SH3KBP1: variants seen among roughly 807,000 people sequenced by gnomAD.
SH3KBP1 encodes SH3 domain containing kinase binding protein 1.
A neutral mutation model predicts 50.1 loss-of-function variants in SH3KBP1; 8 were observed. That is an observed-to-expected ratio of 0.16 (90% CI 0.09 to 0.29). The LOEUF (loss-of-function observed/expected upper bound fraction) is 0.29, where lower values mean the gene tolerates loss of function less well. Among genes scored for constraint, SH3KBP1 ranks in the 10% least tolerant of loss-of-function variants. The pLI is 1.00. For missense variants in SH3KBP1, 377 were observed against 535.2 expected (o/e 0.70, Z 2.92); for synonymous variants, 227 against 218.6 (o/e 1.04, Z -0.34).
intron 6 of SH3KBP1, among the ~76,000 whole-genome samples, chrX:19,669,245 CA>C (rs1163133152): frequency 1.9e-5 from 2 of 104,679 alleles, no homozygotes; most frequent in Non-Finnish European, 3.9e-5. Context: ...GGATTACAAG[CA>C]TTAGCCACTG....
chrX:19,538,806 C>T (rs1432619986), intron 16 of SH3KBP1, among the ~76,000 whole-genome samples: 1 of 110,673 alleles, frequency 9.0e-6, no homozygotes, highest in Admixed American at 9.6e-5. Context: ...AGGCTGGTCC[C>T]GAACCCCTCA....
At chrX:19,603,866 T>C (rs1383270258) in intron 9 of SH3KBP1, among the ~76,000 whole-genome samples, 1 of 111,304 alleles carries the variant, frequency 9.0e-6, no homozygotes, top group Non-Finnish European at 1.9e-5. Flanking sequence ...TTTTCTTATT[T>C]TTGTAGAGAT....
chrX:19,693,993 C>T (rs1277868353), intron 5 of SH3KBP1, among the ~76,000 whole-genome samples: 2 of 112,177 alleles, frequency 1.8e-5, no homozygotes, highest in South Asian at 3.7e-4. Flanking sequence ...AACATGCTAT[C>T]GCTCAGTATG....
intron 2 of SH3KBP1, among the ~76,000 whole-genome samples, chrX:19,762,146 C>A (rs996161468): frequency 8.9e-6 from 1 of 112,730 alleles, no homozygotes; most frequent in Non-Finnish European, 1.9e-5. Flanking sequence ...TTAAGCTGTC[C>A]CTGTTCGTTC....
intron 1 of SH3KBP1, among the ~76,000 whole-genome samples, chrX:19,845,615 AT>A (rs914496910): frequency 4.7e-5 from 5 of 106,218 alleles, no homozygotes; most frequent in South Asian, 4.3e-4. Flanking sequence ...TTAGAAAACC[AT>A]TTTTTTTTTC....
chrX:19,655,646 T>C (rs941548547), intron 6 of SH3KBP1, among the ~76,000 whole-genome samples: 3 of 109,825 alleles, frequency 2.7e-5, no homozygotes, highest in Non-Finnish European at 5.7e-5. Context: ...ATGGAAACAA[T>C]AGACACTTGG....
At chrX:19,618,385 C>CAAAAAAAAAAAA (rs1169013925) in intron 8 of SH3KBP1, among the ~76,000 whole-genome samples, 1 of 18,217 alleles carries the variant, frequency 5.5e-5, no homozygotes, top group Non-Finnish European at 1.2e-4. Context: ...GACTCTGTCT[C>CAAAAAAAAAAAA]AAAAAAAAAA....
At chrX:19,539,416 T>C (rs2064816826) in intron 16 of SH3KBP1, among the ~76,000 whole-genome samples, 1 of 111,938 alleles carries the variant, frequency 8.9e-6, no homozygotes, top group African/African-American at 3.2e-5. Flanking sequence ...CATTACTGTA[T>C]TTATTTAAGC....
At chrX:19,537,804 T>G in intron 16 of SH3KBP1, 24 bp from the exon 17 acceptor site, 1 of 1,154,854 alleles carries the variant, frequency 8.7e-7, no homozygotes, top group Non-Finnish European at 1.2e-6. Context: ...GGCAATGAAA[T>G]TAACCAAAAT....
At chrX:19,607,808 G>A (rs556829661) in intron 9 of SH3KBP1, 130 bp downstream of exon 9, 12 of 534,484 alleles carry the variant, frequency 2.2e-5, no homozygotes, top group South Asian at 8.0e-5. Context: ...TATGGCAGCC[G>A]AGGGCTCAGA....
At chrX:19,754,670 T>G (rs2065157010) in intron 2 of SH3KBP1, among the ~76,000 whole-genome samples, 1 of 111,447 alleles carries the variant, frequency 9.0e-6, no homozygotes, top group Non-Finnish European at 1.9e-5. Context: ...AGTTTCACCA[T>G]GTTGACCAGG....
At chrX:19,880,356 T>C (rs1231023787) in intron 1 of SH3KBP1, among the ~76,000 whole-genome samples, 1 of 112,330 alleles carries the variant, frequency 8.9e-6, no homozygotes, top group East Asian at 2.8e-4. Context: ...TACATGTTCA[T>C]TCATTAACAT....
chrX:19,750,545 C>T (rs762293531), intron 2 of SH3KBP1, among the ~76,000 whole-genome samples: 8 of 112,215 alleles, frequency 7.1e-5, no homozygotes, highest in Non-Finnish European at 1.1e-4. Flanking sequence ...TCAAATTGAA[C>T]AGCAAACCAC....
intron 3 of SH3KBP1, among the ~76,000 whole-genome samples, chrX:19,734,530 T>C (rs1384763479): frequency 8.9e-6 from 1 of 111,937 alleles, no homozygotes; most frequent in Non-Finnish European, 1.9e-5. Context: ...ATAGCTTTAT[T>C]GAGATATAAT....
chrX:19,678,708 G>A (rs972967981), intron 6 of SH3KBP1, among the ~76,000 whole-genome samples: 5 of 111,154 alleles, frequency 4.5e-5, no homozygotes, highest in African/African-American at 1.6e-4. Flanking sequence ...GATTTGGAGT[G>A]GGGGGCTATT....
At chrX:19,884,513 G>A (rs758626250) in intron 1 of SH3KBP1, among the ~76,000 whole-genome samples, 1 of 112,638 alleles carries the variant, frequency 8.9e-6, no homozygotes, top group Non-Finnish European at 1.9e-5. Context: ...TGCCAAGATG[G>A]ATAGAAGTGG....
intron 9 of SH3KBP1, among the ~76,000 whole-genome samples, chrX:19,595,997 G>A (rs2066895814): frequency 8.9e-6 from 1 of 112,240 alleles, no homozygotes; most frequent in African/African-American, 3.2e-5. Context: ...TCCATGGGAT[G>A]GATGTGTTTC....
intron 2 of SH3KBP1, among the ~76,000 whole-genome samples, chrX:19,819,507 G>T (rs1013447364): frequency 9.1e-6 from 1 of 109,745 alleles, no homozygotes; most frequent in African/African-American, 3.3e-5. Context: ...CTAATTTTTT[G>T]ATTATTATTA....
intron 6 of SH3KBP1, among the ~76,000 whole-genome samples, chrX:19,678,683 C>T (rs1385805188): frequency 9.0e-6 from 1 of 111,399 alleles, no homozygotes; most frequent in Non-Finnish European, 1.9e-5. Flanking sequence ...AATTAATTAA[C>T]TGGTTTAGAA....
Sources: allele counts gnomAD v4.1 joint callset (sites outside exome capture counted in the v4.1 genomes callset), GRCh38; gene constraint gnomAD v4.1.1; transcripts MANE v1.5; gene names NCBI Gene and HGNC (gene_info 2026-07-23, HGNC 2026-07-21).